The following PHACTR1 variants were observed in gnomAD, a reference collection of about 807,000 sequenced individuals.
PHACTR1 encodes RPEL repeat containing 1.
PHACTR1 carries 16 observed loss-of-function variants against 69.2 expected under a neutral mutation model. The observed-to-expected ratio is 0.23, with a 90% CI of 0.16 to 0.35. The LOEUF (loss-of-function observed/expected upper bound fraction) is 0.35. Ranked by LOEUF, PHACTR1 falls within the 10% of genes least tolerant of loss-of-function variation. The pLI, the probability that PHACTR1 is intolerant of heterozygous loss-of-function variation, is 1.00. For synonymous variants in PHACTR1, 312 were observed against 284.5 expected (o/e 1.10, Z -0.97); for missense variants, 510 against 734.7 (o/e 0.69, Z 3.54).
At chr6:12,977,555 C>T (rs558185941) in intron 4 of PHACTR1, among the ~76,000 whole-genome samples, 1 of 152,340 alleles carries the variant, frequency 6.6e-6, no homozygotes, top group East Asian at 1.9e-4. Context: ...AAGTAAAACA[C>T]TGGAATCCTC....
chr6:13,263,244 T>G (rs1017762058), intron 10 of PHACTR1, among the ~76,000 whole-genome samples: 2 of 94,078 alleles, frequency 2.1e-5, no homozygotes, highest in African/African-American at 7.4e-5. Context: ...TAGTGTTTTT[T>G]TTTTTTTTTT....
intron 4 of PHACTR1, among the ~76,000 whole-genome samples, chr6:12,846,997 TG>T (rs1410286400): frequency 6.6e-6 from 1 of 151,626 alleles, no homozygotes; most frequent in Non-Finnish European, 1.5e-5. Context: ...GTTTTTTTTT[TG>T]TAGAGATGGA....
intron 4 of PHACTR1, among the ~76,000 whole-genome samples, chr6:12,846,619 GT>G (rs1779288778): frequency 6.6e-6 from 1 of 152,002 alleles, no homozygotes; most frequent in Admixed American, 6.6e-5. Flanking sequence ...GAGCTTTTTA[GT>G]CATATATTTG....
chr6:13,063,648 C>T (rs566334417), intron 5 of PHACTR1, among the ~76,000 whole-genome samples: 26 of 151,700 alleles, frequency 1.7e-4, no homozygotes, highest in African/African-American at 5.8e-4. Context: ...AGTGTGATGG[C>T]GCATGCCTGT....
chr6:12,890,159 G>T (rs190985202), intron 4 of PHACTR1, among the ~76,000 whole-genome samples: 8 of 152,238 alleles, frequency 5.3e-5, no homozygotes, highest in Admixed American at 1.3e-4. Context: ...AACTGCGCAC[G>T]TGAGGGATCT....
chr6:13,269,382 A>G (rs1332036442), intron 10 of PHACTR1, among the ~76,000 whole-genome samples: 7 of 152,238 alleles, frequency 4.6e-5, no homozygotes, highest in Admixed American at 1.3e-4. Context: ...TTGCATAATC[A>G]TCGCTTTCCT....
chr6:13,283,395 T>A lies in PHACTR1; in HGVS notation c.1510-27T>A. Reference sequence around the variant, plus strand: ...GCCATGGTCAACCCTTCTGGCTGACTGGGTCCATCTCTCTCCCTCCCTGCA... The same window carrying A: ...GCCATGGTCAACCCTTCTGGCTGACAGGGTCCATCTCTCTCCCTCCCTGCA... On this transcript the variant is annotated intron_variant, in intron 12 of 14. Coordinates refer to ENST00000332995, the MANE Select transcript of PHACTR1 (RefSeq NM_030948.6). This position sits in a 1 kb window ranked among gnomAD's most constrained non-coding sequence, Gnocchi z 4.7. 1 of 1,611,190 alleles carries A rather than the reference T, an allele frequency of 6.2e-7. No individual in the cohort carries two copies. The highest frequency in any genetic ancestry group is 8.5e-7 in the Non-Finnish European group (1 of 1,178,726).
At chr6:12,783,233 G>A (rs994754605) in intron 4 of PHACTR1, among the ~76,000 whole-genome samples, 20 of 152,140 alleles carry the variant, frequency 1.3e-4, no homozygotes, top group African/African-American at 3.9e-4. Flanking sequence ...TAGGTTGCAC[G>A]AAAGGCACAT....
chr6:13,111,811 CTCT>C lies in PHACTR1; in HGVS notation c.416-48387_416-48385del, dbSNP rs201517799. ...TTTCCAGAAGCATTTAATAGTTTTT[CTCT>C]TCTTCCTGCCATATTTCCCTTTGAT... On this transcript the variant is annotated intron_variant, in intron 5 of 14. Transcript: ENST00000332995. Among the ~76,000 whole-genome samples the C allele has an allele frequency of 6.1e-3, 932 of 152,168 alleles. 11 individuals carry two copies. The highest frequency in any genetic ancestry group is 0.021 in the African/African-American group (856 of 41,530).
chr6:13,118,806 G>A (rs1022843635), intron 5 of PHACTR1, among the ~76,000 whole-genome samples: 12 of 152,210 alleles, frequency 7.9e-5, no homozygotes, highest in African/African-American at 1.9e-4. Flanking sequence ...GCAGCATGGC[G>A]CAGTGGAAAG....
At chr6:12,884,713 T>C (rs1783463816) in intron 4 of PHACTR1, among the ~76,000 whole-genome samples, 1 of 152,208 alleles carries the variant, frequency 6.6e-6, no homozygotes, top group African/African-American at 2.4e-5. Context: ...TGGAATTTTG[T>C]ATGCGTCAAA....
chr6:13,160,907 G>T (rs547203040), intron 6 of PHACTR1, among the ~76,000 whole-genome samples: 2 of 152,294 alleles, frequency 1.3e-5, no homozygotes, highest in African/African-American at 4.8e-5. Flanking sequence ...GAATATGAAC[G>T]TATGCAGTGA....
intron 4 of PHACTR1, among the ~76,000 whole-genome samples, chr6:12,806,759 T>G (rs1175929793): frequency 6.6e-6 from 1 of 152,222 alleles, no homozygotes; most frequent in African/African-American, 2.4e-5. Flanking sequence ...GCATTATACA[T>G]TTTCACCAGT....
At chr6:13,135,846 T>TA (rs1413590283) in intron 5 of PHACTR1, among the ~76,000 whole-genome samples, 4 of 151,362 alleles carry the variant, frequency 2.6e-5, no homozygotes, top group African/African-American at 9.7e-5. Context: ...TGCATTTCTC[T>TA]AGAGACCCAT....
At chr6:12,852,088 G>T (rs1191290535) in intron 4 of PHACTR1, among the ~76,000 whole-genome samples, 1 of 152,144 alleles carries the variant, frequency 6.6e-6, no homozygotes, top group African/African-American at 2.4e-5. Flanking sequence ...CCCCTCCTTG[G>T]CCTCCCAAAG....
chr6:13,146,352 AT>A (rs1343204809), intron 5 of PHACTR1, among the ~76,000 whole-genome samples: 1 of 152,194 alleles, frequency 6.6e-6, no homozygotes, highest in Non-Finnish European at 1.5e-5. Flanking sequence ...CATAGTTATG[AT>A]TTTTTAAATT....
Position 13,272,887 on chromosome 6 carries a change from G to A in PHACTR1, c.1419G>A (p.Glu473=), listed in dbSNP as rs1230632656. Residue 473 remains glutamate (E), a synonymous_variant, in exon 11 of 15, where the codon GAG becomes GAA. Transcript: ENST00000332995. Reference sequence around the variant, plus strand: ...GGCTGAGCCAGAGGCCAACTGCAGAGGAACTGGAACAGAGGAACATTTTGA... The same window carrying A: ...GGCTGAGCCAGAGGCCAACTGCAGAAGAACTGGAACAGAGGAACATTTTGA... ...TRRLSQRPTA[E]ELEQRNILKP... 6 of 1,613,972 alleles carry A rather than the reference G, an allele frequency of 3.7e-6. No homozygotes were observed. The highest frequency in any genetic ancestry group is 5.1e-6 in the Non-Finnish European group (6 of 1,179,908).
chr6:13,051,707 C>A (rs1805974825), intron 4 of PHACTR1, among the ~76,000 whole-genome samples: 1 of 152,218 alleles, frequency 6.6e-6, no homozygotes, highest in Admixed American at 6.5e-5. Context: ...TGCTGTGAAG[C>A]AGAATTAGTT....
chr6:12,955,547 C>T (rs1236152531), intron 4 of PHACTR1, among the ~76,000 whole-genome samples: 1 of 151,934 alleles, frequency 6.6e-6, no homozygotes, highest in African/African-American at 2.4e-5. Flanking sequence ...TTTGCAGTGC[C>T]AGTATTTAAG....
Sources: gnomAD v4.1 joint callset for allele counts (sites outside exome capture counted in the v4.1 genomes callset) on GRCh38, gnomAD v4.1.1 for gene constraint, Gnocchi (gnomAD v3.1) non-coding constraint, MANE v1.5 for transcripts, NCBI Gene and HGNC (gene_info 2026-07-23, HGNC 2026-07-21) for gene names.